Variants in NRXN3 observed in about 807,000 individuals in gnomAD.
NRXN3 encodes neurexin 3.
In NRXN3, 32 loss-of-function variants were observed where a neutral mutation model predicts 137.6. That is an observed-to-expected ratio of 0.23 (90% CI 0.18 to 0.31). NRXN3 has a LOEUF of 0.31. NRXN3 is among the 10% of genes least tolerant of loss of function. The pLI, the probability that NRXN3 is intolerant of heterozygous loss-of-function variation, is 1.00. For missense variants in NRXN3, 1,574 were observed against 2,062.5 expected (o/e 0.76, Z 4.59); for synonymous variants, 798 against 784.5 (o/e 1.02, Z -0.29).
intron 6 of NRXN3, among the ~76,000 whole-genome samples, chr14:78,673,741 ACTCATGAGGG>A (rs1218256289): frequency 6.6e-6 from 1 of 152,096 alleles, no homozygotes; most frequent in Non-Finnish European, 1.5e-5. Context: ...CGCTAATCCC[ACTCATGAGGG>A]CTCCTACTCA....
At chr14:79,575,617 A>AT (rs1311528113) in intron 16 of NRXN3, among the ~76,000 whole-genome samples, 1 of 152,008 alleles carries the variant, frequency 6.6e-6, no homozygotes, top group African/African-American at 2.4e-5. Flanking sequence ...TTTTGCCTTA[A>AT]TTTTTTTCTC....
intron 15 of NRXN3, among the ~76,000 whole-genome samples, chr14:79,304,701 C>T (rs2085742531): frequency 6.6e-6 from 1 of 152,034 alleles, no homozygotes; most frequent in Non-Finnish European, 1.5e-5. Context: ...CAAGAAATAG[C>T]TCAAGTTAAG....
chr14:79,824,337 A>T (rs992735878), intron 20 of NRXN3, among the ~76,000 whole-genome samples: 10 of 152,180 alleles, frequency 6.6e-5, no homozygotes, highest in African/African-American at 2.2e-4. Context: ...AAAACATTTG[A>T]TTACCTTTAA....
intron 15 of NRXN3, among the ~76,000 whole-genome samples, chr14:79,196,412 T>A (rs1016840763): frequency 6.6e-6 from 1 of 152,148 alleles, no homozygotes; most frequent in African/African-American, 2.4e-5. Flanking sequence ...CAAGAGAGCA[T>A]GGGAGAGAGC....
intron 4 of NRXN3, among the ~76,000 whole-genome samples, chr14:78,419,946 C>CGT (rs1247187727): frequency 3.2e-4 from 2 of 6,208 alleles, no homozygotes; most frequent in East Asian, 6.7e-3. Context: ...CACGTGTGTG[C>CGT]GCGCGCGCGC....
chr14:78,206,450 G>C (rs560378748), intron 1 of NRXN3, among the ~76,000 whole-genome samples: 54 of 152,272 alleles, frequency 3.5e-4, no homozygotes, highest in African/African-American at 1.2e-3. Context: ...CTGCCCAGAG[G>C]AGGGGGACCT....
At chr14:79,069,048 G>A (rs996418015) in intron 15 of NRXN3, among the ~76,000 whole-genome samples, 25 of 152,020 alleles carry the variant, frequency 1.6e-4, no homozygotes, top group Admixed American at 5.9e-4. Context: ...GGTTCCCACT[G>A]ATAAGGGGAG....
intron 1 of NRXN3, among the ~76,000 whole-genome samples, chr14:78,171,403 T>A (rs568795258): frequency 1.3e-5 from 2 of 151,922 alleles, no homozygotes; most frequent in Non-Finnish European, 2.9e-5. Context: ...AAGGGAATCT[T>A]CCTCCACTGC....
At chr14:79,666,536 G>A (rs1212642590) in intron 17 of NRXN3, among the ~76,000 whole-genome samples, 2 of 151,964 alleles carry the variant, frequency 1.3e-5, no homozygotes, top group African/African-American at 4.8e-5. Flanking sequence ...GACCCAAGGA[G>A]GTGCTATGCC....
At chr14:79,686,720 C>G (rs984611769) in intron 17 of NRXN3, among the ~76,000 whole-genome samples, 2 of 152,158 alleles carry the variant, frequency 1.3e-5, no homozygotes, top group African/African-American at 2.4e-5. Context: ...ATCCAATATT[C>G]TTTTCACTCA....
chr14:79,438,763 T>C (rs1437125830), intron 15 of NRXN3, among the ~76,000 whole-genome samples: 2 of 152,244 alleles, frequency 1.3e-5, no homozygotes, highest in Non-Finnish European at 2.9e-5. Context: ...AGAGCATTTT[T>C]GGAAAAGACT....
At chr14:79,394,242 TGGAA>T (rs576296722) in intron 15 of NRXN3, among the ~76,000 whole-genome samples, 45 of 152,324 alleles carry the variant, frequency 3.0e-4, no homozygotes, top group African/African-American at 1.1e-3. Flanking sequence ...GTTCTGGGGC[TGGAA>T]GGAAGTGCAA....
intron 16 of NRXN3, among the ~76,000 whole-genome samples, chr14:79,627,521 C>A (rs2153924324): frequency 6.6e-6 from 1 of 152,230 alleles, no homozygotes; most frequent in African/African-American, 2.4e-5. Flanking sequence ...AAAATGATAA[C>A]CTTATTCATT....
At chr14:79,044,834 T>A (rs1360447953) in intron 15 of NRXN3, among the ~76,000 whole-genome samples, 4 of 151,884 alleles carry the variant, frequency 2.6e-5, no homozygotes, top group Admixed American at 2.0e-4. Context: ...AGTTTTTTTT[T>A]TTTTTTTCTT....
chr14:78,392,101 T>C (rs2090861036), intron 4 of NRXN3, among the ~76,000 whole-genome samples: 1 of 152,158 alleles, frequency 6.6e-6, no homozygotes, highest in Non-Finnish European at 1.5e-5. Flanking sequence ...AATAAAAATA[T>C]TGCAAAGAGC....
intron 15 of NRXN3, among the ~76,000 whole-genome samples, chr14:79,282,203 A>C (rs2081382990): frequency 6.6e-6 from 1 of 151,750 alleles, no homozygotes; most frequent in African/African-American, 2.4e-5. Context: ...CCTAAGGGGG[A>C]GAGGGACTGG....
chr14:79,316,174 C>G (rs2088624175), intron 15 of NRXN3, among the ~76,000 whole-genome samples: 1 of 152,240 alleles, frequency 6.6e-6, no homozygotes, highest in Non-Finnish European at 1.5e-5. Flanking sequence ...CTGGAAAAAA[C>G]ATTACATTAA....
chr14:78,375,038 C>G (rs1235187565), intron 4 of NRXN3, among the ~76,000 whole-genome samples: 1 of 152,188 alleles, frequency 6.6e-6, no homozygotes, highest in Admixed American at 6.5e-5. Flanking sequence ...AGAAATCCAA[C>G]TATTCTTGAG....
chr14:79,745,020 GAAAAA>G (rs35666988), intron 19 of NRXN3, among the ~76,000 whole-genome samples: 2 of 106,880 alleles, frequency 1.9e-5, no homozygotes, highest in Admixed American at 1.0e-4. Context: ...CATATCTTTA[GAAAAA>G]AAAAAAAAAA....
Sources: gnomAD v4.1 joint callset for allele counts (sites outside exome capture counted in the v4.1 genomes callset) on GRCh38, gnomAD v4.1.1 for gene constraint, MANE v1.5 for transcripts, NCBI Gene and HGNC (gene_info 2026-07-23, HGNC 2026-07-21) for gene names.